KDM2B: variants seen among roughly 807,000 people sequenced by gnomAD.
KDM2B encodes the protein lysine-specific demethylase 2B.
A neutral mutation model predicts 150.0 loss-of-function variants in KDM2B; 26 were observed. The observed-to-expected ratio is 0.17, with a 90% CI of 0.13 to 0.24. The LOEUF is 0.24. Among genes scored for constraint, KDM2B ranks in the 10% least tolerant of loss-of-function variants. KDM2B has a pLI of 1.00. For missense variants in KDM2B, 1,265 were observed against 1,816.9 expected, an observed-to-expected ratio of 0.70 and a Z score of 5.52; for synonymous variants, 734 against 729.5, an observed-to-expected ratio of 1.01 and a Z score of -0.10.
chr12:121,531,694 A>C (rs1176522724), intron 8 of KDM2B, among the ~76,000 whole-genome samples: 2 of 152,048 alleles, frequency 1.3e-5, no homozygotes, highest in African/African-American at 2.4e-5. Context: ...AAGCAACCCA[A>C]TTCCTCCTTC....
intron 11 of KDM2B, among the ~76,000 whole-genome samples, chr12:121,499,303 G>A (rs1555301506): frequency 6.9e-6 from 1 of 145,270 alleles, no homozygotes; most frequent in African/African-American, 2.6e-5. Flanking sequence ...TTTTTTTTTA[G>A]TAGAGACAGG....
At chr12:121,546,696 C>G (rs1448519525) in intron 6 of KDM2B, among the ~76,000 whole-genome samples, 2 of 150,110 alleles carry the variant, frequency 1.3e-5, no homozygotes, top group African/African-American at 4.9e-5. Context: ...AGCCTCCGCG[C>G]CCAGCCTCTT....
intron 4 of KDM2B, among the ~76,000 whole-genome samples, chr12:121,559,850 C>CCTCA (rs1555313561): frequency 6.7e-6 from 1 of 150,004 alleles, no homozygotes; most frequent in Admixed American, 6.7e-5. Context: ...TTGAGATGAG[C>CCTCA]TGAGATTGTG....
chr12:121,412,389 G>A, the KDM2B span, among the ~76,000 whole-genome samples: 1 of 151,716 alleles, frequency 6.6e-6, no homozygotes, highest in Non-Finnish European at 1.5e-5. Flanking sequence ...ACAGGTGCCC[G>A]CCACCACGCC....
chr12:121,441,134 G>A lies in KDM2B; in HGVS notation c.3384C>T (p.Ser1128=), dbSNP rs1555288126. The A allele has an allele frequency of 6.2e-7, 1 of 1,614,246 alleles. No homozygotes were observed. The highest frequency in any genetic ancestry group is 8.5e-7 in the Non-Finnish European group (1 of 1,180,036). ...AGATATTGGTCCAGCTGAGGTCGAG[G>A]GAGACGGGCTGTCGCCGGATGATGC... ...LSGIIRRQPV[S]LDLSWTNISK... Residue 1128 remains serine, a synonymous_variant, in exon 20 of 23, where the codon TCC becomes TCT. Transcript: ENST00000377071.
chr12:121,533,037 G>T lies in KDM2B; in HGVS notation c.778-78C>A. The T allele has an allele frequency of 6.8e-7, 1 of 1,462,712 alleles. No homozygotes were observed. 90.6% of individuals were successfully genotyped at this position (1,462,712 alleles called of 1,614,324 possible). On this transcript the variant is annotated intron_variant, in intron 7 of 22. Coordinates refer to ENST00000377071, the MANE Select transcript of KDM2B (RefSeq NM_032590.5). This position sits in a 1 kb window ranked among gnomAD's most constrained non-coding sequence, Gnocchi z 4.1. Reference sequence around the variant, plus strand: ...AGAGAGAGGGCCCCACCTGCCTGGCGGAAGGGGAGGGGGCGAGACAAGCTG... The same window carrying T: ...AGAGAGAGGGCCCCACCTGCCTGGCTGAAGGGGAGGGGGCGAGACAAGCTG...
chr12:121,558,782 G>T (rs983389221), intron 4 of KDM2B, among the ~76,000 whole-genome samples: 2 of 151,986 alleles, frequency 1.3e-5, no homozygotes, highest in African/African-American at 4.8e-5. Context: ...GTAGAGATGG[G>T]GTTTAGCCAT....
chr12:121,443,593 G>C, intron 17 of KDM2B, 87 bp downstream of exon 17: 1 of 796,116 alleles, frequency 1.3e-6, no homozygotes, highest in Non-Finnish European at 2.2e-6. Flanking sequence ...GGCAGCAGTG[G>C]GGTGGAGGAC....
intron 3 of KDM2B, 74 bp from the exon 4 acceptor site, chr12:121,574,667 G>A (rs1318457777): frequency 2.9e-6 from 4 of 1,383,756 alleles, no homozygotes; most frequent in Non-Finnish European, 4.1e-6. Flanking sequence ...GGCCCGGGGG[G>A]AAGCCATTTT....
chr12:121,438,708 AG>A (rs1874428128), intron 22 of KDM2B, among the ~76,000 whole-genome samples: 1 of 152,108 alleles, frequency 6.6e-6, no homozygotes, highest in Non-Finnish European at 1.5e-5. Context: ...GTTGCCAGAC[AG>A]TTTATCAGGC....
At chr12:121,441,487 T>C (rs1171437507) in intron 19 of KDM2B, among the ~76,000 whole-genome samples, 1 of 152,148 alleles carries the variant, frequency 6.6e-6, no homozygotes, top group Non-Finnish European at 1.5e-5. Flanking sequence ...CCCAGGCTGG[T>C]GTGTAGTGGT....
rs1475801728 is a variant in KDM2B, at chr12:121,467,410, G to A, written c.1735-14066C>T. 7.7e-5 allele frequency: 72 copies of A among 929,740 alleles called. No individual in the cohort carries two copies. Among genetic ancestry groups the A allele is most frequent in the Non-Finnish European group, 8.4e-5 (66 of 781,850 alleles). 57.6% of individuals were successfully genotyped at this position (929,740 alleles called of 1,614,324 possible). On this transcript the variant is annotated intron_variant, in intron 12 of 22. Coordinates refer to ENST00000377071, the MANE Select transcript of KDM2B (RefSeq NM_032590.5). The surrounding 1 kb of genome is among the most constrained non-coding windows in gnomAD (Gnocchi z 5.1). ...GGCGGGGAGGGGCCGGCGGGGGAGG[G>A]CCGGGGCGCCATGCATATGCATGAG... is the stretch of plus-strand genomic sequence containing the variant.
At chr12:121,434,124 G>A (rs921724970) in intron 22 of KDM2B, among the ~76,000 whole-genome samples, 1 of 152,142 alleles carries the variant, frequency 6.6e-6, no homozygotes, top group Non-Finnish European at 1.5e-5. Context: ...AGCCTGCAGT[G>A]AGCCATGATT....
At chr12:121,435,621 G>C (rs1040236511) in intron 22 of KDM2B, among the ~76,000 whole-genome samples, 1 of 152,086 alleles carries the variant, frequency 6.6e-6, no homozygotes, top group Non-Finnish European at 1.5e-5. Context: ...GGGCTCCAGT[G>C]GGCACAGAAA....
chr12:121,444,541 G>A lies in KDM2B; in HGVS notation c.2104-5C>T, dbSNP rs782685404. The A allele has an allele frequency of 4.8e-5, 77 of 1,613,442 alleles. No individual in the cohort carries two copies. The highest frequency in any genetic ancestry group is 5.5e-5 in the Non-Finnish European group (65 of 1,179,568). On this transcript the variant is annotated splice_region_variant and splice_polypyrimidine_tract_variant and intron_variant, in intron 14 of 22. Coordinates refer to ENST00000377071, the MANE Select transcript of KDM2B (RefSeq NM_032590.5). ...CACACCCTCTGACTCCTTAATCTGC[G>A]GGGAACACCAGGACTCAGAAGAGGG...
chr12:121,446,342 G>C (rs1555290361), intron 13 of KDM2B, among the ~76,000 whole-genome samples: 2 of 152,216 alleles, frequency 1.3e-5, no homozygotes, highest in African/African-American at 4.8e-5. Flanking sequence ...AGGTTGCAGT[G>C]AGCCGAGACC....
intron 13 of KDM2B, among the ~76,000 whole-genome samples, chr12:121,451,826 C>G (rs938680913): frequency 1.3e-5 from 2 of 151,920 alleles, no homozygotes; most frequent in Non-Finnish European, 2.9e-5. Flanking sequence ...GCAGGAGAAT[C>G]GCTTGAACCC....
chr12:121,441,321 A>C (rs1262627162), intron 19 of KDM2B, 88 bp from the exon 20 acceptor site: 5 of 1,302,658 alleles, frequency 3.8e-6, no homozygotes, highest in South Asian at 1.3e-5. Context: ...CCCACCTAAC[A>C]ACCTCTGGGA....
Position 121,575,748 on chromosome 12 carries a change from C to T in KDM2B, c.350+33G>A, listed in dbSNP as rs928118584. On this transcript the variant is annotated intron_variant, in intron 3 of 22. Coordinates refer to ENST00000377071, the MANE Select transcript of KDM2B (RefSeq NM_032590.5). This position sits in a 1 kb window ranked among gnomAD's most constrained non-coding sequence, Gnocchi z 4.4. ...CTATAAAGTATGTTAGGGAGGAAGA[C>T]GGGGGAAGGAGTGATTAGTTTCAGC... The T allele has an allele frequency of 2.2e-5, 32 of 1,442,654 alleles. No homozygotes were observed. Among genetic ancestry groups the T allele is most frequent in the African/African-American group, 4.2e-5 (3 of 71,604 alleles). 89.4% of individuals were successfully genotyped at this position (1,442,654 alleles called of 1,614,324 possible). A position where few individuals can be genotyped will look rare whatever the true frequency, so the allele number is the denominator to read the frequency against.
Sources: allele counts gnomAD v4.1 joint callset (sites outside exome capture counted in the v4.1 genomes callset), GRCh38; gene constraint gnomAD v4.1.1; non-coding constraint Gnocchi (gnomAD v3.1); transcripts MANE v1.5; gene names NCBI Gene and HGNC (gene_info 2026-07-23, HGNC 2026-07-21).